The following RUNX3 variants were observed in gnomAD, a reference collection of about 807,000 sequenced individuals.
The protein encoded by RUNX3 is RUNX family transcription factor 3, also known as runt-related transcription factor 3.
A neutral mutation model predicts 27.7 loss-of-function variants in RUNX3; 10 were observed. The observed-to-expected ratio is 0.36, with a 90% CI of 0.22 to 0.61. The LOEUF (loss-of-function observed/expected upper bound fraction) is 0.61. RUNX3 is among the 20% of genes least tolerant of loss of function. The probability of loss-of-function intolerance (pLI) is 0.72; values close to 1 mark genes in which losing one functional copy is unlikely to be tolerated. For synonymous variants in RUNX3, 270 were observed against 269.2 expected, an observed-to-expected ratio of 1.00 and a Z score of -0.03; for missense variants, 469 against 629.5, an observed-to-expected ratio of 0.75 and a Z score of 2.73.
In RUNX3 at chr1:24,899,591, G is replaced by A. The variant is rs1281891956; in HGVS notation, c.*2531C>T. Reference sequence around the variant, plus strand: ...TTACAGTTAAATAGTACAGAAGACAGTTTACTGTACAAGCAAGTTGTGCGT... The same window carrying A: ...TTACAGTTAAATAGTACAGAAGACAATTTACTGTACAAGCAAGTTGTGCGT... On this transcript the variant is annotated 3_prime_UTR_variant, in exon 5 of 5. Coordinates refer to ENST00000308873, the MANE Select transcript of RUNX3 (RefSeq NM_004350.3). The A allele has an allele frequency of 1.3e-5, 2 of 152,670 alleles. No individual in the cohort carries two copies. Among genetic ancestry groups the A allele is most frequent in the East Asian group, 1.9e-4 (1 of 5,336 alleles). 9.5% of individuals were successfully genotyped at this position (152,670 alleles called of 1,614,324 possible).
At chr1:24,914,856 G>T (rs1640858280) in intron 3 of RUNX3, among the ~76,000 whole-genome samples, 2 of 152,148 alleles carry the variant, frequency 1.3e-5, no homozygotes, top group African/African-American at 4.8e-5. Context: ...GCCACACTCT[G>T]CTGGCTGCTC....
intron 3 of RUNX3, among the ~76,000 whole-genome samples, chr1:24,909,765 G>GA (rs796747246): frequency 6.6e-6 from 1 of 152,226 alleles, no homozygotes. Flanking sequence ...CTGACCCGAG[G>GA]AAAGGACGGC....
intron 2 of RUNX3, among the ~76,000 whole-genome samples, chr1:24,921,999 G>A (rs1375627620): frequency 6.6e-6 from 1 of 152,114 alleles, no homozygotes; most frequent in Non-Finnish European, 1.5e-5. Flanking sequence ...CACCCAGGTT[G>A]GAGTGCAGTG....
chr1:24,907,953 C>T (rs569771451), intron 3 of RUNX3, among the ~76,000 whole-genome samples: 22 of 152,112 alleles, frequency 1.4e-4, no homozygotes, highest in Admixed American at 1.1e-3. Flanking sequence ...TGATCTAAAC[C>T]TCAACCACAC....
intron 2 of RUNX3, among the ~76,000 whole-genome samples, chr1:24,938,394 C>T (rs753558678): frequency 5.9e-5 from 9 of 152,180 alleles, no homozygotes; most frequent in Non-Finnish European, 8.8e-5. Flanking sequence ...ATTTGCCCAC[C>T]GTCACAGAAG....
intron 2 of RUNX3, among the ~76,000 whole-genome samples, chr1:24,925,541 CTG>C (rs1407710198): frequency 1.3e-5 from 2 of 152,212 alleles, no homozygotes; most frequent in Admixed American, 6.5e-5. Flanking sequence ...GATGAGGAAA[CTG>C]AGGCACAGAG....
chr1:24,930,115 C>A lies in RUNX3; in HGVS notation c.-247G>T. On this transcript the variant is annotated 5_prime_UTR_variant, in exon 1 of 5. Transcript: ENST00000308873. The surrounding 1 kb of genome is among the most constrained non-coding windows in gnomAD (Gnocchi z 4.1). ...CTAGTCCCGCATCCTCGGCGCGCGG[C>A]CCCGCGTGCGGCCGCCCCTCGTGGC... The A allele has an allele frequency of 1.0e-6, 1 of 979,536 alleles. No individual in the cohort carries two copies. The allele number at this position is 979,536 out of a possible 1,614,324, so 60.7% of individuals were successfully genotyped here. A position where few individuals can be genotyped will look rare whatever the true frequency, so the allele number is the denominator to read the frequency against.
intron 3 of RUNX3, among the ~76,000 whole-genome samples, chr1:24,910,316 AG>A (rs1365065742): frequency 7.3e-6 from 1 of 136,672 alleles, no homozygotes. Context: ...AAAATGTGGG[AG>A]GGGGTAAGGG....
intron 2 of RUNX3, among the ~76,000 whole-genome samples, chr1:24,939,232 G>T (rs1334274818): frequency 6.6e-6 from 1 of 152,154 alleles, no homozygotes; most frequent in East Asian, 1.9e-4. Context: ...TACCCTACAT[G>T]TGTGCACTCA....
In RUNX3 at chr1:24,902,294, C is replaced by T. The variant is rs572355211; in HGVS notation, c.1076G>A (p.Arg359His). ...SSSGGDRSPT[R>H]MLASCTSSAA... ...GCTGCTGGTGCAAGAGGCCAGCATG[C>T]GGGTAGGTGAGCGGTCGCCCCCACT... is the stretch of plus-strand genomic sequence containing the variant. Residue 359 changes from arginine to histidine, a missense_variant, in exon 5 of 5, where the codon CGC (arginine) becomes CAC (histidine). By Grantham distance (29) the Arg-to-His change is conservative (BLOSUM62 0). Around this residue, in one of 3 missense-constraint regions of RUNX3, gnomAD observed 279 missense variants for 343.0 expected, o/e 0.81. Coordinates refer to ENST00000308873, the MANE Select transcript of RUNX3 (RefSeq NM_004350.3). This position sits in a 1 kb window ranked among gnomAD's most constrained non-coding sequence, Gnocchi z 9.2. 41 of 1,602,060 alleles carry T rather than the reference C, an allele frequency of 2.6e-5. No homozygotes were observed. Among genetic ancestry groups the T allele is most frequent in the Non-Finnish European group, 3.1e-5 (36 of 1,176,146 alleles).
intron 2 of RUNX3, among the ~76,000 whole-genome samples, chr1:24,920,394 C>T (rs143251627): frequency 4.0e-4 from 61 of 152,166 alleles, no homozygotes; most frequent in Non-Finnish European, 3.4e-4. Context: ...GATGACTCTC[C>T]GGAGAGATTT....
intron 3 of RUNX3, among the ~76,000 whole-genome samples, chr1:24,911,133 A>G (rs574578884): frequency 2.0e-5 from 3 of 152,344 alleles, no homozygotes; most frequent in South Asian, 4.1e-4. Context: ...CTGGGGGACA[A>G]GTGAGCAGAA....
rs960899084 is a variant in RUNX3, at chr1:24,943,608, A to AC, written c.59-13757dup. 1.3e-5 allele frequency among the ~76,000 whole-genome samples: 2 copies of AC among 151,926 alleles called. No individual in the cohort carries two copies. Among genetic ancestry groups the AC allele is most frequent in the Admixed American group, 1.3e-4 (2 of 15,262 alleles). ...GGAACAGTTGGCCAGTGCGGAGAGG[A>AC]CCCCCGAAGATCTCTGAGGCTAGTC... On this transcript the variant is annotated intron_variant, in intron 2 of 6. Transcript: ENST00000338888. The surrounding 1 kb of genome is among the most constrained non-coding windows in gnomAD (Gnocchi z 4.6).
upstream of RUNX3, among the ~76,000 whole-genome samples, chr1:24,930,597 C>T (rs1641205403): frequency 6.6e-6 from 1 of 152,078 alleles, no homozygotes; most frequent in Admixed American, 6.5e-5. The surrounding 1 kb of genome is among the most constrained non-coding windows in gnomAD (Gnocchi z 4.1). Flanking sequence ...CTCCCTGACG[C>T]TGGGGCGCAA....
intron 1 of RUNX3, chr1:24,928,847 G>A: frequency 2.9e-6 from 1 of 347,446 alleles, no homozygotes; most frequent in Admixed American, 4.0e-5. Flanking sequence ...CCCAGCCGCC[G>A]GCCCTTCCTG....
upstream of RUNX3, chr1:24,965,118 G>A (rs1384906089): frequency 6.2e-6 from 1 of 162,166 alleles, no homozygotes; most frequent in Non-Finnish European, 1.4e-5. This position sits in a 1 kb window ranked among gnomAD's most constrained non-coding sequence, Gnocchi z 5.4. Context: ...AGGCGGCAAG[G>A]GCCTGGCCTT....
intron 2 of RUNX3, among the ~76,000 whole-genome samples, chr1:24,936,933 A>G (rs1203268873): frequency 6.6e-6 from 1 of 152,238 alleles, no homozygotes; most frequent in Non-Finnish European, 1.5e-5. Context: ...GCTTTCCAGC[A>G]TCGCCCTTGG....
exon 2 of RUNX3, chr1:24,964,532 A>T (rs1406888330): frequency 1.2e-6 from 2 of 1,611,838 alleles, no homozygotes; most frequent in East Asian, 4.5e-5. Context: ...AAGGTCGGCG[A>T]GTAGGTCGGG....
intron 2 of RUNX3, among the ~76,000 whole-genome samples, chr1:24,945,543 A>G (rs1389928716): frequency 6.6e-6 from 1 of 152,124 alleles, no homozygotes; most frequent in Non-Finnish European, 1.5e-5. Flanking sequence ...GCAATAACCC[A>G]ATGAGGTGGT....
Sources: gnomAD v4.1 joint callset for allele counts (sites outside exome capture counted in the v4.1 genomes callset) on GRCh38, gnomAD v4.1.1 for gene constraint, gnomAD v4.1.1 regional missense constraint, Gnocchi (gnomAD v3.1) non-coding constraint, MANE v1.5 for transcripts, NCBI Gene and HGNC (gene_info 2026-07-23, HGNC 2026-07-21) for gene names.